Variants in STRN observed in about 807,000 individuals in gnomAD.
STRN encodes striatin, also known as protein phosphatase 2 regulatory subunit B'''alpha.
In STRN, 53 loss-of-function variants were observed where a neutral mutation model predicts 96.3. That is an observed-to-expected ratio of 0.55 (90% CI 0.44 to 0.69). The LOEUF (loss-of-function observed/expected upper bound fraction) is 0.69. STRN is among the 30% of genes least tolerant of loss of function. The pLI, the probability that STRN is intolerant of heterozygous loss-of-function variation, is 0.00. For missense variants in STRN, 987 were observed against 963.9 expected (o/e 1.02, Z -0.32); for synonymous variants, 428 against 355.9 (o/e 1.20, Z -2.28).
At chr2:36,965,112 C>CT (rs756385560) in intron 1 of STRN, among the ~76,000 whole-genome samples, 170 of 150,102 alleles carry the variant, frequency 1.1e-3, no homozygotes, top group Non-Finnish European at 2.2e-3. Flanking sequence ...TTCTCCTCTT[C>CT]TTTTTTTTCT....
chr2:36,854,771 T>G (rs552474650), intron 15 of STRN, among the ~76,000 whole-genome samples: 5 of 152,164 alleles, frequency 3.3e-5, no homozygotes, highest in Non-Finnish European at 7.4e-5. Flanking sequence ...TTTCCTGACT[T>G]CCTGCATCCA....
chr2:36,883,056 T>C (rs1394085634), intron 9 of STRN, among the ~76,000 whole-genome samples: 2 of 152,240 alleles, frequency 1.3e-5, no homozygotes, highest in Non-Finnish European at 2.9e-5. Flanking sequence ...ATTATCATTA[T>C]GAAAATCATT....
chr2:36,910,804 T>C (rs991152716), intron 3 of STRN, among the ~76,000 whole-genome samples: 4 of 152,168 alleles, frequency 2.6e-5, no homozygotes, highest in Non-Finnish European at 5.9e-5. Flanking sequence ...CTGGATATAT[T>C]CAACTTTAAA....
In STRN at chr2:36,845,951, A is replaced by G. The variant is rs1205870564; in HGVS notation, c.*3505T>C. ...CACACACACACACACACACACACAC[A>G]CTAACTCTCTCTCTCTCTCTGTGCC... On this transcript the variant is annotated 3_prime_UTR_variant, in exon 18 of 18. Coordinates refer to ENST00000263918, the MANE Select transcript of STRN (RefSeq NM_003162.4). 1 of 78,360 alleles carries G rather than the reference A, an allele frequency of 1.3e-5. No homozygotes were observed. The highest frequency in any genetic ancestry group is 5.2e-4 in the South Asian group (1 of 1,930). The allele number at this position is 78,360 out of a possible 1,614,324, so 4.9% of individuals were successfully genotyped here.
chr2:36,941,427 G>T (rs1670841774), intron 1 of STRN, among the ~76,000 whole-genome samples: 1 of 152,060 alleles, frequency 6.6e-6, no homozygotes, highest in African/African-American at 2.4e-5. Flanking sequence ...GCTGTTAAAT[G>T]ACATGCTCTA....
rs1668070837 is a variant in STRN, at chr2:36,846,263, AAC to A, written c.*3191_*3192del. On this transcript the variant is annotated 3_prime_UTR_variant, in exon 18 of 18. Transcript: ENST00000263918. Reference sequence around the variant, plus strand: ...TGAATATTGTATATACAGTAATTTAAACACTTAGAACTATATATTATACTGCA... The same window carrying A: ...TGAATATTGTATATACAGTAATTTAAACTTAGAACTATATATTATACTGCA... The A allele has an allele frequency of 6.7e-6, 1 of 149,120 alleles. No individual in the cohort carries two copies. The highest frequency in any genetic ancestry group is 2.5e-5 in the African/African-American group (1 of 40,524). The allele number at this position is 149,120 out of a possible 1,614,324, so 9.2% of individuals were successfully genotyped here.
chr2:36,893,791 G>A (rs1286671462), intron 7 of STRN, 107 bp downstream of exon 7: 1 of 1,367,280 alleles, frequency 7.3e-7, no homozygotes, highest in Non-Finnish European at 9.8e-7. Context: ...TAAGTTCACA[G>A]AATGCTCAAT....
rs143326562 is a variant in STRN at position 36,838,413 on chromosome 2, G to T, written c.*11043C>A. ...GTTCTAACCTACAGAACTTTGAATA[G>T]ATAATTCAGTTCTGAGTGCAATCCA... On this transcript the variant is annotated 3_prime_UTR_variant, in exon 18 of 18. Coordinates refer to ENST00000263918, the MANE Select transcript of STRN (RefSeq NM_003162.4). Among the ~76,000 whole-genome samples the T allele has an allele frequency of 6.6e-6, 1 of 152,146 alleles. No homozygotes were observed. The highest frequency in any genetic ancestry group is 2.4e-5 in the African/African-American group (1 of 41,440).
chr2:36,877,659 C>G (rs1572641467), intron 10 of STRN, among the ~76,000 whole-genome samples: 1 of 151,344 alleles, frequency 6.6e-6, no homozygotes, highest in African/African-American at 2.5e-5. Flanking sequence ...CCATAGCCCC[C>G]CTAGTAGCTG....
At chr2:36,936,624 T>C (rs1417008924) in intron 1 of STRN, among the ~76,000 whole-genome samples, 7 of 152,190 alleles carry the variant, frequency 4.6e-5, no homozygotes. Context: ...AATACAATGA[T>C]GAAGCCAACA....
Position 36,840,461 on chromosome 2 carries a change from C to G in STRN, c.*8995G>C, listed in dbSNP as rs1667925134. 1 of 152,084 alleles carries G rather than the reference C, an allele frequency of 6.6e-6. No individual in the cohort carries two copies. The highest frequency in any genetic ancestry group is 1.5e-5 in the Non-Finnish European group (1 of 68,036). The allele number at this position is 152,084 out of a possible 1,614,324, so 9.4% of individuals were successfully genotyped here. A position where few individuals can be genotyped will look rare whatever the true frequency, so the allele number is the denominator to read the frequency against. On this transcript the variant is annotated 3_prime_UTR_variant, in exon 18 of 18. Transcript: ENST00000263918. Reference sequence around the variant, plus strand: ...CCTGTGAGGTAAAGTCCAAATTCCTCTCCAGTCAAGGTGCAGACCTCAATC... The same window carrying G: ...CCTGTGAGGTAAAGTCCAAATTCCTGTCCAGTCAAGGTGCAGACCTCAATC...
At chr2:36,944,397 T>C (rs978315268) in intron 1 of STRN, among the ~76,000 whole-genome samples, 1 of 152,224 alleles carries the variant, frequency 6.6e-6, no homozygotes, top group Non-Finnish European at 1.5e-5. Flanking sequence ...TAATCTCATA[T>C]AAACAATTGA....
At chr2:36,852,369 T>G (rs1282269263) in intron 15 of STRN, among the ~76,000 whole-genome samples, 1 of 152,192 alleles carries the variant, frequency 6.6e-6, no homozygotes, top group Non-Finnish European at 1.5e-5. Flanking sequence ...GGAACAACTC[T>G]CAAAATTTGA....
At chr2:36,871,238 G>A (rs1668755695) in intron 10 of STRN, among the ~76,000 whole-genome samples, 1 of 152,112 alleles carries the variant, frequency 6.6e-6, no homozygotes, top group Non-Finnish European at 1.5e-5. Context: ...TAATGTCCTA[G>A]ACCTTCACAT....
rs560875619 is a variant in STRN at position 36,843,058 on chromosome 2, T to G, written c.*6398A>C. Among the ~76,000 whole-genome samples, 97 of 152,254 alleles carry G rather than the reference T, an allele frequency of 6.4e-4. No homozygotes were observed. Among genetic ancestry groups the G allele is most frequent in the Non-Finnish European group, 6.5e-4 (44 of 68,002 alleles). On this transcript the variant is annotated 3_prime_UTR_variant, in exon 18 of 18. Coordinates refer to ENST00000263918, the MANE Select transcript of STRN (RefSeq NM_003162.4). ...AGGAGGTTCATCAATCCGTGAATAA[T>G]TTTTGGAGTTTTAATGACCTCCTGA...
intron 11 of STRN, among the ~76,000 whole-genome samples, chr2:36,868,542 C>G (rs968805680): frequency 6.6e-6 from 1 of 152,202 alleles, no homozygotes; most frequent in African/African-American, 2.4e-5. Context: ...GTTTTCTACA[C>G]TGTATCGCAG....
At chr2:36,926,982 T>C (rs1285040746) in intron 1 of STRN, among the ~76,000 whole-genome samples, 2 of 152,196 alleles carry the variant, frequency 1.3e-5, no homozygotes, top group African/African-American at 4.8e-5. Flanking sequence ...CATAGAACTT[T>C]ATATGCTCTT....
rs989475043 is a variant in STRN at position 36,902,591 on chromosome 2, T to C, written c.652A>G (p.Met218Val). 5.6e-6 allele frequency: 9 copies of C among 1,602,464 alleles called. No individual in the cohort carries two copies. Among genetic ancestry groups the C allele is most frequent in the Admixed American group, 3.4e-5 (2 of 59,196 alleles). Residue 218 changes from methionine to valine, a missense_variant, in exon 5 of 18, where the codon ATG becomes GTG. Met to Val is a conservative substitution (Grantham distance 21, BLOSUM62 1). Transcript: ENST00000263918. ...TCCAGACAAAATACTTACGCAATCATTGCTGTCTCTTTAACTTCAGCCTCT... is the reference window on the plus strand; with the variant it reads ...TCCAGACAAAATACTTACGCAATCACTGCTGTCTCTTTAACTTCAGCCTCT... Reference protein sequence around the residue: ...GTEAEVKETAMIAKSELTDSA... With the variant: ...GTEAEVKETAVIAKSELTDSA...
At chr2:36,920,364 C>T (rs1424844891) in intron 2 of STRN, among the ~76,000 whole-genome samples, 3 of 152,132 alleles carry the variant, frequency 2.0e-5, no homozygotes, top group Non-Finnish European at 4.4e-5. Flanking sequence ...CCAGGCTGGG[C>T]GCGGTGGCTC....
Sources: allele counts gnomAD v4.1 joint callset (sites outside exome capture counted in the v4.1 genomes callset), GRCh38; gene constraint gnomAD v4.1.1; transcripts MANE v1.5; gene names NCBI Gene and HGNC (gene_info 2026-07-23, HGNC 2026-07-21).